COA8: variants seen among roughly 807,000 people sequenced by gnomAD.
COA8 encodes the protein UPF0671 protein C14orf153.
A neutral mutation model predicts 22.0 loss-of-function variants in COA8; 20 were observed. The observed-to-expected ratio is 0.91, with a 90% CI of 0.64 to 1.32. The LOEUF is 1.32. Among genes scored for constraint, COA8 ranks in the 40% most tolerant of loss-of-function variants. The probability of loss-of-function intolerance (pLI) is 0.00; values close to 1 mark genes in which losing one functional copy is unlikely to be tolerated. For missense variants in COA8, 266 were observed against 230.0 expected, an observed-to-expected ratio of 1.16 and a Z score of -1.01; for synonymous variants, 105 against 79.9, an observed-to-expected ratio of 1.31 and a Z score of -1.68.
chr14:103,589,787 G>A lies in COA8; in HGVS notation c.477-394G>A, dbSNP rs572621678. ...AAATTAGCCGGGTGTGGTGGCGGGC[G>A]CCTGTAGTCCCAGCTACTCGGGAGG... On this transcript the variant is annotated intron_variant, in intron 4 of 4. Coordinates refer to ENST00000409074, the MANE Select transcript of COA8 (RefSeq NM_001370595.2). Among the ~76,000 whole-genome samples the A allele has an allele frequency of 8.4e-4, 127 of 151,624 alleles. 2 individuals carry two copies. The East Asian group carries it at 0.017, about 20-fold the overall frequency.
chr14:103,571,092 G>A (rs2076180519), intron 1 of COA8, among the ~76,000 whole-genome samples: 3 of 152,216 alleles, frequency 2.0e-5, no homozygotes, highest in Non-Finnish European at 4.4e-5. Context: ...ATGATGGCTG[G>A]CACCTTACCA....
intron 1 of COA8, among the ~76,000 whole-genome samples, chr14:103,570,732 C>CA (rs1302872370): frequency 1.3e-5 from 2 of 151,662 alleles, no homozygotes; most frequent in African/African-American, 2.4e-5. Flanking sequence ...GACTCCATCT[C>CA]AAAAAAAAGA....
intron 3 of COA8, among the ~76,000 whole-genome samples, chr14:103,578,291 C>T (rs962198769): frequency 1.3e-5 from 2 of 152,070 alleles, no homozygotes; most frequent in African/African-American, 4.8e-5. Context: ...ATGGAAATGC[C>T]CAGTACTAGA....
chr14:103,568,443 A>G (rs2076151468), intron 1 of COA8, among the ~76,000 whole-genome samples: 2 of 151,976 alleles, frequency 1.3e-5, no homozygotes, highest in African/African-American at 4.8e-5. Context: ...ATATATATAT[A>G]TACACACACA....
intron 3 of COA8, among the ~76,000 whole-genome samples, chr14:103,578,456 G>C (rs2076244634): frequency 6.6e-6 from 1 of 152,220 alleles, no homozygotes; most frequent in African/African-American, 2.4e-5. Context: ...TCATTTGTAA[G>C]GCAGGCAGTA....
chr14:103,563,041 C>CCCG lies in COA8; in HGVS notation c.41_42insCGC (p.Pro14_Leu15insAla). 5 of 1,543,744 alleles carry CCCG rather than the reference C, an allele frequency of 3.2e-6. No homozygotes were observed. The highest frequency in any genetic ancestry group is 3.5e-6 in the Non-Finnish European group (4 of 1,150,214). On this transcript the variant is annotated inframe_insertion, in exon 1 of 5. Coordinates refer to ENST00000409074, the MANE Select transcript of COA8 (RefSeq NM_001370595.2). ...GGCGGGGAAGAAGACCTTTCTCCCC[C>CCCG]CTCTCTGCCGCGCCTTCGCCTGCCG...
intron 1 of COA8, among the ~76,000 whole-genome samples, chr14:103,564,479 C>T (rs2076119444): frequency 2.7e-5 from 4 of 145,700 alleles, no homozygotes; most frequent in African/African-American, 5.1e-5. Flanking sequence ...ATTTCCCGGG[C>T]GGGGGGGATT....
chr14:103,584,774 G>A (rs1663121391), intron 3 of COA8, among the ~76,000 whole-genome samples: 2 of 152,248 alleles, frequency 1.3e-5, no homozygotes, highest in East Asian at 1.9e-4. Flanking sequence ...TGAGCATCTT[G>A]TCATGTGCTT....
At chr14:103,577,277 T>C (rs563627817) in intron 3 of COA8, among the ~76,000 whole-genome samples, 16 of 152,068 alleles carry the variant, frequency 1.1e-4, no homozygotes, top group African/African-American at 3.6e-4. Flanking sequence ...AGTTTCACCA[T>C]GTTGACCAGG....
At chr14:103,570,959 C>T (rs1246572155) in intron 1 of COA8, among the ~76,000 whole-genome samples, 2 of 152,128 alleles carry the variant, frequency 1.3e-5, no homozygotes, top group African/African-American at 4.8e-5. Context: ...TGGGCGGGTC[C>T]AGGAGGAGCC....
intron 1 of COA8, among the ~76,000 whole-genome samples, chr14:103,566,376 C>G (rs567538797): frequency 1.3e-5 from 2 of 152,110 alleles, no homozygotes; most frequent in East Asian, 1.9e-4. Context: ...GCCGAGATCG[C>G]GCCATTGCAC....
intron 4 of COA8, chr14:103,588,157 A>G (rs1172053228): frequency 3.1e-6 from 1 of 323,216 alleles, no homozygotes; most frequent in South Asian, 1.5e-4. Context: ...TTAGCTGGTT[A>G]CAGATAATAA....
rs2076096478 is a variant in COA8, at chr14:103,562,992, G to A, written c.-10G>A. On this transcript the variant is annotated 5_prime_UTR_variant, in exon 1 of 5. Coordinates refer to ENST00000409074, the MANE Select transcript of COA8 (RefSeq NM_001370595.2). Reference sequence around the variant, plus strand: ...TGCCGTGCGCCGCGGGAGCCAGGGGGCGTGGGGCCATGGTGGTCTTGCGGG... The same window carrying A: ...TGCCGTGCGCCGCGGGAGCCAGGGGACGTGGGGCCATGGTGGTCTTGCGGG... 2 of 1,549,480 alleles carry A rather than the reference G, an allele frequency of 1.3e-6. No individual in the cohort carries two copies. The highest frequency in any genetic ancestry group is 1.4e-5 in the African/African-American group (1 of 73,268).
chr14:103,570,103 C>T (rs1162256030), intron 1 of COA8, among the ~76,000 whole-genome samples: 1 of 152,074 alleles, frequency 6.6e-6, no homozygotes, highest in Non-Finnish European at 1.5e-5. Flanking sequence ...GTGATCCACC[C>T]ACCTCAGCCT....
At chr14:103,579,834 A>T (rs1286997036) in intron 3 of COA8, among the ~76,000 whole-genome samples, 2 of 151,142 alleles carry the variant, frequency 1.3e-5, no homozygotes, top group Admixed American at 1.3e-4. Context: ...GTGGTGGCGT[A>T]TGCCTGTAAT....
At chr14:103,580,229 A>C (rs975172037) in intron 3 of COA8, among the ~76,000 whole-genome samples, 1 of 151,860 alleles carries the variant, frequency 6.6e-6, no homozygotes, top group African/African-American at 2.4e-5. Flanking sequence ...GGCACATGCC[A>C]CCATGCCTCG....
At chr14:103,579,594 C>G (rs1203838912) in intron 3 of COA8, 1 of 152,050 alleles carries the variant, frequency 6.6e-6, no homozygotes, top group East Asian at 2.0e-4. Flanking sequence ...GATGATCCAC[C>G]CACCTCGGCC....
chr14:103,569,850 G>GTTT (rs2076168745), intron 1 of COA8, among the ~76,000 whole-genome samples: 1 of 151,926 alleles, frequency 6.6e-6, no homozygotes, highest in African/African-American at 2.4e-5. Context: ...CTAGGTTTTG[G>GTTT]TTTTTTGTTT....
At chr14:103,589,871 G>A (rs1384254394) in intron 4 of COA8, among the ~76,000 whole-genome samples, 3 of 151,652 alleles carry the variant, frequency 2.0e-5, no homozygotes, top group Non-Finnish European at 2.9e-5. Flanking sequence ...CCGAGATCGC[G>A]CCACTGCACT....
Sources: gnomAD v4.1 joint callset for allele counts (sites outside exome capture counted in the v4.1 genomes callset) on GRCh38, gnomAD v4.1.1 for gene constraint, MANE v1.5 for transcripts, NCBI Gene and HGNC (gene_info 2026-07-23, HGNC 2026-07-21) for gene names.